Variants in XIRP2 observed in about 807,000 individuals in gnomAD.
XIRP2 encodes xin actin-binding repeat-containing protein 2.
XIRP2 carries 236 observed loss-of-function variants against 277.0 expected under a neutral mutation model. That is an observed-to-expected ratio of 0.85 (90% CI 0.77 to 0.95). The LOEUF is 0.95. XIRP2 is among the 40% of genes least tolerant of loss of function. The pLI is 0.00. For synonymous variants in XIRP2, 1,490 were observed against 1,416.5 expected (o/e 1.05, Z -1.17); for missense variants, 4,640 against 4,157.5 (o/e 1.12, Z -3.19).
chr2:167,184,575 G>C lies in XIRP2; in HGVS notation c.563-26160G>C, dbSNP rs1559011450. The C allele has an allele frequency of 2.1e-5, 15 of 717,380 alleles. 1 individual carries two copies. In the East Asian group the frequency reaches 4.0e-4, roughly 19 times the overall value. 44.4% of individuals were successfully genotyped at this position (717,380 alleles called of 1,614,324 possible). A position where few individuals can be genotyped will look rare whatever the true frequency, so the allele number is the denominator to read the frequency against. ...TCCACGGACCAAGCCCAGATTCTCA[G>C]GCTCCACCTGCATCCAAAATTGACA... On this transcript the variant is annotated intron_variant, in intron 3 of 10. Coordinates refer to ENST00000409195, the MANE Select transcript of XIRP2 (RefSeq NM_152381.6).
intron 2 of XIRP2, among the ~76,000 whole-genome samples, chr2:167,008,138 G>T (rs186861946): frequency 8.6e-5 from 13 of 151,570 alleles, no homozygotes; most frequent in Admixed American, 5.9e-4. Flanking sequence ...AGGACATATG[G>T]TCAGAATTTT....
chr2:167,150,748 T>G (rs1005361659), intron 3 of XIRP2, among the ~76,000 whole-genome samples: 2 of 152,018 alleles, frequency 1.3e-5, no homozygotes, highest in African/African-American at 2.4e-5. Flanking sequence ...TTAAATATAT[T>G]AAATTATTTA....
chr2:166,984,530 G>A (rs1686952461), intron 2 of XIRP2, among the ~76,000 whole-genome samples: 1 of 151,962 alleles, frequency 6.6e-6, no homozygotes, highest in African/African-American at 2.4e-5. Context: ...AAAATATAAA[G>A]ATCACAAATA....
At chr2:167,234,592 A>G (rs1694848320) in intron 5 of XIRP2, among the ~76,000 whole-genome samples, 1 of 151,714 alleles carries the variant, frequency 6.6e-6, no homozygotes, top group Admixed American at 6.6e-5. Flanking sequence ...GAAAAAAGTC[A>G]CTACATTAAA....
At chr2:166,950,855 C>G (rs571413743) in intron 2 of XIRP2, among the ~76,000 whole-genome samples, 1 of 152,084 alleles carries the variant, frequency 6.6e-6, no homozygotes, top group Admixed American at 6.6e-5. Context: ...GTACAAAGTT[C>G]CCTCGTTAAG....
intron 4 of XIRP2, among the ~76,000 whole-genome samples, chr2:167,211,682 T>C (rs1359340665): frequency 2.6e-5 from 4 of 152,228 alleles, no homozygotes; most frequent in Non-Finnish European, 5.9e-5. Flanking sequence ...ATAATTTCTT[T>C]GGCTTTTCTC....
chr2:167,049,420 C>T (rs1558961564), intron 2 of XIRP2, among the ~76,000 whole-genome samples: 3 of 150,706 alleles, frequency 2.0e-5, no homozygotes, highest in Non-Finnish European at 4.4e-5. Flanking sequence ...CTTAACAAAA[C>T]AGAATAGAAT....
intron 2 of XIRP2, among the ~76,000 whole-genome samples, chr2:167,129,426 G>C (rs1473051586): frequency 6.6e-6 from 1 of 152,026 alleles, no homozygotes; most frequent in Non-Finnish European, 1.5e-5. Flanking sequence ...TCAAATGCCT[G>C]GTAAGATGTT....
intron 2 of XIRP2, among the ~76,000 whole-genome samples, chr2:166,943,874 A>G (rs1458981467): frequency 6.6e-6 from 1 of 151,802 alleles, no homozygotes; most frequent in East Asian, 1.9e-4. Flanking sequence ...TAGAGTACAG[A>G]CTCTTGTTCC....
At chr2:167,132,574 T>C (rs112411127) in intron 2 of XIRP2, among the ~76,000 whole-genome samples, 96 of 150,848 alleles carry the variant, frequency 6.4e-4, no homozygotes, top group Middle Eastern at 3.4e-3. Context: ...TAACTTCCCA[T>C]TGAGCTAAGA....
intron 5 of XIRP2, among the ~76,000 whole-genome samples, chr2:167,220,760 C>A (rs1446740873): frequency 6.6e-6 from 1 of 152,176 alleles, no homozygotes; most frequent in Non-Finnish European, 1.5e-5. Context: ...ACCTCTGTAC[C>A]TTGTTTCCCT....
intron 2 of XIRP2, among the ~76,000 whole-genome samples, chr2:167,063,785 TCATTACA>T (rs1345806710): frequency 6.6e-6 from 1 of 151,740 alleles, no homozygotes; most frequent in Admixed American, 6.6e-5. Context: ...TATTTTTCTA[TCATTACA>T]CATTAAATCT....
In XIRP2 at chr2:166,925,589, G is replaced by GTATA. The variant is rs1470366389; in HGVS notation, c.408+21702_408+21705dup. On this transcript the variant is annotated intron_variant, in intron 2 of 10. Transcript: ENST00000409195. ...TGTGTATGTATGTGTGTGTGTATGT[G>GTATA]TATATACATATATATATATATATAT... Among the ~76,000 whole-genome samples, 1,024 of 105,864 alleles carry GTATA rather than the reference G, an allele frequency of 9.7e-3. 38 individuals carry two copies. The highest frequency in any genetic ancestry group is 0.06 in the East Asian group (209 of 3,500). 69.5% of individuals were successfully genotyped at this position (105,864 alleles called of 152,430 possible).
rs1695496375 is a variant in XIRP2, at chr2:167,251,352, A to G, written c.9960A>G (p.Gln3320=). The G allele has an allele frequency of 1.2e-6, 2 of 1,613,590 alleles. No individual in the cohort carries two copies. The highest frequency in any genetic ancestry group is 1.7e-6 in the Non-Finnish European group (2 of 1,179,666). ...QRYEAANRTV[Q]MAENFVNDPE... ...ATGAAGCGGCCAACCGAACTGTTCAAATGGCTGAAAATTTCGTGAATGACC... is the reference window on the plus strand; with the variant it reads ...ATGAAGCGGCCAACCGAACTGTTCAGATGGCTGAAAATTTCGTGAATGACC... Residue 3320 remains glutamine (Q), a synonymous_variant, in exon 9 of 11, where the codon CAA becomes CAG. Coordinates refer to ENST00000409195, the MANE Select transcript of XIRP2 (RefSeq NM_152381.6).
At chr2:167,139,985 C>T (rs1691663428) in intron 3 of XIRP2, among the ~76,000 whole-genome samples, 1 of 152,126 alleles carries the variant, frequency 6.6e-6, no homozygotes, top group Non-Finnish European at 1.5e-5. Flanking sequence ...GCTAATTATT[C>T]ATTTTAAGTG....
At chr2:167,102,699 C>T (rs1298295880) in intron 2 of XIRP2, among the ~76,000 whole-genome samples, 2 of 152,092 alleles carry the variant, frequency 1.3e-5, no homozygotes, top group East Asian at 1.9e-4. Context: ...ATCAAACAGC[C>T]GTAGGGACCA....
intron 3 of XIRP2, among the ~76,000 whole-genome samples, chr2:167,176,637 A>G (rs1692855219): frequency 6.6e-6 from 1 of 152,222 alleles, no homozygotes; most frequent in African/African-American, 2.4e-5. Flanking sequence ...ACAAGCTGAA[A>G]TAAATATTAT....
intron 2 of XIRP2, among the ~76,000 whole-genome samples, chr2:167,082,306 T>C (rs1470105659): frequency 1.3e-5 from 2 of 152,320 alleles, no homozygotes; most frequent in South Asian, 2.1e-4. Flanking sequence ...TAGTATTGCA[T>C]AGTGTATATG....
At chr2:167,120,679 G>C (rs556704922) in intron 2 of XIRP2, among the ~76,000 whole-genome samples, 76 of 152,162 alleles carry the variant, frequency 5.0e-4, no homozygotes, top group Admixed American at 1.4e-3. Context: ...ATAAAGCGTG[G>C]ACAGCCAGAA....
Sources: gnomAD v4.1 joint callset for allele counts (sites outside exome capture counted in the v4.1 genomes callset) on GRCh38, gnomAD v4.1.1 for gene constraint, MANE v1.5 for transcripts, NCBI Gene and HGNC (gene_info 2026-07-23, HGNC 2026-07-21) for gene names.